The following MGMT variants were observed in gnomAD, a reference collection of about 807,000 sequenced individuals.
MGMT encodes the protein O-6-methylguanine-DNA methyltransferase.
In MGMT, 14 loss-of-function variants were observed where a neutral mutation model predicts 15.9. That is an observed-to-expected ratio of 0.88 (90% CI 0.58 to 1.37). The LOEUF (loss-of-function observed/expected upper bound fraction) is 1.37. Ranked by LOEUF, MGMT falls within the 40% of genes most tolerant of loss-of-function variation. The probability of loss-of-function intolerance (pLI) is 0.00; values close to 1 mark genes in which losing one functional copy is unlikely to be tolerated. For synonymous variants in MGMT, 130 were observed against 118.2 expected (o/e 1.10, Z -0.65); for missense variants, 282 against 268.1 (o/e 1.05, Z -0.36).
At chr10:129,647,956 A>G (rs1847415886) in intron 2 of MGMT, among the ~76,000 whole-genome samples, 1 of 152,246 alleles carries the variant, frequency 6.6e-6, no homozygotes, top group Non-Finnish European at 1.5e-5. Context: ...TGTAATTTAA[A>G]TGCCCTTTTC....
At chr10:129,629,103 G>A (rs1362277298) in intron 2 of MGMT, among the ~76,000 whole-genome samples, 3 of 152,202 alleles carry the variant, frequency 2.0e-5, no homozygotes, top group Non-Finnish European at 4.4e-5. Context: ...GCCCTGCCAG[G>A]CGGCAATGGT....
chr10:129,556,141 G>A lies in MGMT; in HGVS notation c.125+19764G>A, dbSNP rs535693881. On this transcript the variant is annotated intron_variant, in intron 2 of 4. Coordinates refer to ENST00000651593, the MANE Select transcript of MGMT (RefSeq NM_002412.5). This position sits in a 1 kb window ranked among gnomAD's most constrained non-coding sequence, Gnocchi z 4.3. ...CCTGATGGCGCTGGGGGGTTTCATC[G>A]CCATTTAACCCTCCGCGTCTCACAG... Among the ~76,000 whole-genome samples the A allele has an allele frequency of 7.0e-4, 106 of 152,240 alleles. No homozygotes were observed. The highest frequency in any genetic ancestry group is 1.0e-3 in the Admixed American group (16 of 15,292).
intron 1 of MGMT, among the ~76,000 whole-genome samples, chr10:129,498,410 T>C (rs1206231969): frequency 6.6e-6 from 1 of 152,240 alleles, no homozygotes; most frequent in Non-Finnish European, 1.5e-5. Context: ...ATTACTGTAC[T>C]GTTTCCCTAA....
chr10:129,668,463 A>G (rs761030418), intron 2 of MGMT, among the ~76,000 whole-genome samples: 5 of 152,170 alleles, frequency 3.3e-5, no homozygotes, highest in Non-Finnish European at 7.3e-5. Flanking sequence ...GGTTTACAGC[A>G]TGAGACATGG....
intron 3 of MGMT, among the ~76,000 whole-genome samples, chr10:129,716,154 G>T (rs185638882): frequency 3.9e-5 from 6 of 152,282 alleles, no homozygotes; most frequent in Admixed American, 3.9e-4. Context: ...GGAAAAGAAA[G>T]TCCTTTTTTG....
At chr10:129,536,706 G>T in intron 2 of MGMT, 1 of 195,862 alleles carries the variant, frequency 5.1e-6, no homozygotes, top group Non-Finnish European at 1.0e-5. Flanking sequence ...GGGTTCTTCG[G>T]CATATGTCTC....
At chr10:129,600,762 C>T (rs1402495251) in intron 2 of MGMT, among the ~76,000 whole-genome samples, 2 of 152,188 alleles carry the variant, frequency 1.3e-5, no homozygotes, top group African/African-American at 4.8e-5. Flanking sequence ...GTGGCCAACT[C>T]AGATGTGGCC....
intron 2 of MGMT, among the ~76,000 whole-genome samples, chr10:129,663,462 A>G (rs1457429803): frequency 6.6e-6 from 1 of 152,190 alleles, no homozygotes; most frequent in Non-Finnish European, 1.5e-5. Context: ...AAGCCAAAAA[A>G]GTATAGGAAA....
At position 129,556,966 on chromosome 10, in the gene MGMT, G is replaced by T. The variant is rs578022690; in HGVS notation, c.125+20589G>T. Among the ~76,000 whole-genome samples the T allele has an allele frequency of 2.0e-5, 3 of 152,256 alleles. No homozygotes were observed. Among genetic ancestry groups the T allele is most frequent in the African/African-American group, 7.2e-5 (3 of 41,532 alleles). On this transcript the variant is annotated intron_variant, in intron 2 of 4. Coordinates refer to ENST00000651593, the MANE Select transcript of MGMT (RefSeq NM_002412.5). This position sits in a 1 kb window ranked among gnomAD's most constrained non-coding sequence, Gnocchi z 4.3. The stretch of plus-strand genomic sequence containing the variant: ...TTGAGTGTTCACCGTCTTTCAGAAC[G>T]TTTGTGCGGTGGCGTGTCCCTTCTG...
intron 2 of MGMT, among the ~76,000 whole-genome samples, chr10:129,561,077 C>T (rs1388119962): frequency 2.0e-5 from 3 of 151,836 alleles, no homozygotes; most frequent in South Asian, 4.2e-4. Flanking sequence ...GCCATTGAGA[C>T]GGGCTGGGAA....
intron 2 of MGMT, among the ~76,000 whole-genome samples, chr10:129,542,721 G>C (rs1046987164): frequency 1.3e-5 from 2 of 152,182 alleles, no homozygotes; most frequent in Non-Finnish European, 2.9e-5. Context: ...CTTGCCAGGC[G>C]CTCCTTGGCT....
intron 2 of MGMT, among the ~76,000 whole-genome samples, chr10:129,631,240 T>G (rs573604190): frequency 6.6e-6 from 1 of 152,242 alleles, no homozygotes; most frequent in East Asian, 1.9e-4. Context: ...ATTTACACAG[T>G]CCCCGTTAAG....
chr10:129,568,283 C>T (rs1846377955), intron 2 of MGMT, among the ~76,000 whole-genome samples: 2 of 152,194 alleles, frequency 1.3e-5, no homozygotes, highest in African/African-American at 4.8e-5. Flanking sequence ...CATTCTGGTG[C>T]TGTCCTGACA....
At chr10:129,637,804 G>T (rs983013274) in intron 2 of MGMT, among the ~76,000 whole-genome samples, 3 of 152,170 alleles carry the variant, frequency 2.0e-5, no homozygotes, top group Non-Finnish European at 2.9e-5. Context: ...GGCAGCAAGG[G>T]GTGGCCGTCC....
chr10:129,526,781 C>T (rs746691411), intron 1 of MGMT, among the ~76,000 whole-genome samples: 11 of 152,174 alleles, frequency 7.2e-5, no homozygotes, highest in Non-Finnish European at 1.3e-4. Context: ...GTTTTTAGTG[C>T]AGCAGGCCTG....
At chr10:129,511,116 C>A (rs556978205) in intron 1 of MGMT, among the ~76,000 whole-genome samples, 39 of 131,320 alleles carry the variant, frequency 3.0e-4, no homozygotes, top group East Asian at 4.1e-4. Context: ...GTGATGGGAA[C>A]CCAGTATACT....
At chr10:129,707,810 C>T (rs554096524) in intron 2 of MGMT, 85 bp from the exon 3 acceptor site, 58 of 1,567,148 alleles carry the variant, frequency 3.7e-5, no homozygotes, top group African/African-American at 1.8e-4. Flanking sequence ...GGTGTTTGCC[C>T]GTTTAGATGC....
At chr10:129,749,533 A>C (rs557790029) in intron 3 of MGMT, among the ~76,000 whole-genome samples, 3 of 152,290 alleles carry the variant, frequency 2.0e-5, no homozygotes, top group Non-Finnish European at 4.4e-5. Flanking sequence ...ATCGAACAAC[A>C]TTTTGGTCAC....
chr10:129,696,611 G>A (rs569276613), intron 2 of MGMT, among the ~76,000 whole-genome samples: 1 of 152,370 alleles, frequency 6.6e-6, no homozygotes, highest in South Asian at 2.1e-4. Context: ...CTGAAATGTA[G>A]GTGTATTTTC....
Sources: gnomAD v4.1 joint callset for allele counts (sites outside exome capture counted in the v4.1 genomes callset) on GRCh38, gnomAD v4.1.1 for gene constraint, Gnocchi (gnomAD v3.1) non-coding constraint, MANE v1.5 for transcripts, NCBI Gene and HGNC (gene_info 2026-07-23, HGNC 2026-07-21) for gene names.